SFMBT2: variants seen among roughly 807,000 people sequenced by gnomAD.
The protein encoded by SFMBT2 is scm-like with four MBT domains protein 2.
SFMBT2 carries 38 observed loss-of-function variants against 110.1 expected under a neutral mutation model. The observed-to-expected ratio is 0.35, with a 90% confidence interval of 0.27 to 0.45. The LOEUF (loss-of-function observed/expected upper bound fraction) is 0.45, where lower values mean the gene tolerates loss of function less well. Ranked by LOEUF, SFMBT2 falls within the 20% of genes least tolerant of loss-of-function variation. SFMBT2 has a pLI of 1.00. For synonymous variants in SFMBT2, 425 were observed against 425.4 expected (o/e 1.00, Z 0.01); for missense variants, 1,011 against 1,094.9 (o/e 0.92, Z 1.08).
intron 4 of SFMBT2, among the ~76,000 whole-genome samples, chr10:7,344,935 G>A (rs1844057401): frequency 6.9e-6 from 1 of 145,186 alleles, no homozygotes; most frequent in East Asian, 2.0e-4. Context: ...CTCCAGCCTG[G>A]GCGACAGAGC....
chr10:7,271,847 A>C (rs1018356650), intron 7 of SFMBT2, among the ~76,000 whole-genome samples: 1 of 152,128 alleles, frequency 6.6e-6, no homozygotes, highest in African/African-American at 2.4e-5. Flanking sequence ...TTTTAAAACC[A>C]TCAGATCTCG....
At chr10:7,404,382 G>A (rs1041065176) in intron 1 of SFMBT2, among the ~76,000 whole-genome samples, 1 of 152,198 alleles carries the variant, frequency 6.6e-6, no homozygotes, top group African/African-American at 2.4e-5. Flanking sequence ...TGCCAAGTTT[G>A]GCAGAAAGCA....
At chr10:7,377,905 A>G (rs77686680) in intron 2 of SFMBT2, among the ~76,000 whole-genome samples, 5,026 of 140,228 alleles carry the variant, frequency 0.036, 259 homozygotes, top group African/African-American at 0.12. Flanking sequence ...GGGAGGAAAG[A>G]GTAGGAAAGA....
chr10:7,311,133 TA>T (rs147762078), intron 4 of SFMBT2, among the ~76,000 whole-genome samples: 3 of 145,996 alleles, frequency 2.1e-5, no homozygotes, highest in Admixed American at 6.8e-5. Context: ...AAGTTTCCCC[TA>T]AAAAAAAAAC....
At chr10:7,343,265 A>G (rs1422972188) in intron 4 of SFMBT2, among the ~76,000 whole-genome samples, 1 of 151,924 alleles carries the variant, frequency 6.6e-6, no homozygotes, top group Non-Finnish European at 1.5e-5. Flanking sequence ...GTGTATGTGT[A>G]ACACATTTCC....
chr10:7,336,977 T>C (rs1295617240), intron 4 of SFMBT2, among the ~76,000 whole-genome samples: 2 of 152,154 alleles, frequency 1.3e-5, no homozygotes, highest in East Asian at 3.9e-4. Flanking sequence ...ATTTACAGTA[T>C]CAACTGTTGG....
At chr10:7,297,826 T>G (rs556728189) in intron 4 of SFMBT2, among the ~76,000 whole-genome samples, 8 of 152,232 alleles carry the variant, frequency 5.3e-5, no homozygotes, top group Non-Finnish European at 8.8e-5. Context: ...CACGCAAGAG[T>G]GTGACCTGGG....
At chr10:7,189,321 A>G in intron 15 of SFMBT2, 1 of 316,542 alleles carries the variant, frequency 3.2e-6, no homozygotes, top group South Asian at 1.3e-4. Context: ...ATCCAGTATC[A>G]TATTTCCCCC....
chr10:7,212,196 G>C (rs747210865), intron 11 of SFMBT2, among the ~76,000 whole-genome samples: 1 of 152,194 alleles, frequency 6.6e-6, no homozygotes, highest in Non-Finnish European at 1.5e-5. Flanking sequence ...GTCAGTCATA[G>C]AGACAAACCA....
rs751995788 is a variant in SFMBT2 at position 7,284,132 on chromosome 10, G to A, written c.544C>T (p.Pro182Ser). Residue 182 changes from proline (P) to serine (S), a missense_variant, in exon 6 of 21, where the codon CCT (proline) becomes TCT (serine). Pro to Ser is a moderately conservative substitution (Grantham distance 74). Around this residue, in one of 2 missense-constraint regions of SFMBT2, gnomAD observed 979 missense variants for 1,016.1 expected, o/e 0.96. Transcript: ENST00000397167. ...GAACCAACTGTAATGAGGTCTATAG[G>A]GCCTTTCCCTCGCAGAGGCTGTTTA... is the stretch of plus-strand genomic sequence containing the variant. ...LLEGPLRGKG[P>S]IDLITVGSLI... The A allele has an allele frequency of 5.6e-6, 9 of 1,613,716 alleles. No individual in the cohort carries two copies. Among genetic ancestry groups the A allele is most frequent in the Non-Finnish European group, 7.6e-6 (9 of 1,179,946 alleles).
chr10:7,356,995 C>T (rs1844536772), intron 4 of SFMBT2, among the ~76,000 whole-genome samples: 1 of 152,222 alleles, frequency 6.6e-6, no homozygotes, highest in African/African-American at 2.4e-5. Flanking sequence ...ACTTTCACAG[C>T]ATTAAAGATA....
intron 4 of SFMBT2, among the ~76,000 whole-genome samples, chr10:7,333,276 A>G (rs1048164310): frequency 6.6e-6 from 1 of 152,158 alleles, no homozygotes; most frequent in African/African-American, 2.4e-5. Context: ...AAAAATTCAG[A>G]TATCTTTTGA....
At position 7,172,732 on chromosome 10, in the gene SFMBT2, G is replaced by C. The variant is rs1837926870; in HGVS notation, c.1985-71C>G. ...CAGACATGAACAGAGAGAGGAGAGA[G>C]AAAGAAGGGAAACGATTCTTTCATC... On this transcript the variant is annotated intron_variant, in intron 17 of 20. Transcript: ENST00000397167. The surrounding 1 kb of genome is among the most constrained non-coding windows in gnomAD (Gnocchi z 4.6). The C allele has an allele frequency of 3.4e-6, 5 of 1,486,696 alleles. No homozygotes were observed. In the Admixed American group the frequency reaches 9.0e-5, roughly 27 times the overall value. 92.1% of individuals were successfully genotyped at this position (1,486,696 alleles called of 1,614,324 possible).
At chr10:7,290,636 GA>G (rs1842235011) in intron 4 of SFMBT2, among the ~76,000 whole-genome samples, 1 of 152,012 alleles carries the variant, frequency 6.6e-6, no homozygotes, top group Non-Finnish European at 1.5e-5. Context: ...AGAAGTTCAA[GA>G]CCATCCTGGG....
At chr10:7,369,056 G>GGTGAT (rs1374372131) in intron 3 of SFMBT2, among the ~76,000 whole-genome samples, 1 of 152,216 alleles carries the variant, frequency 6.6e-6, no homozygotes, top group African/African-American at 2.4e-5. Context: ...AATCGGGCAT[G>GGTGAT]GTGATGCATG....
chr10:7,394,051 G>A (rs1588507703), intron 1 of SFMBT2, among the ~76,000 whole-genome samples: 1 of 152,068 alleles, frequency 6.6e-6, no homozygotes, highest in South Asian at 2.1e-4. Context: ...CGCCCAGGCT[G>A]GAGTGCAGTG....
At chr10:7,231,370 C>T (rs1041676519) in intron 9 of SFMBT2, among the ~76,000 whole-genome samples, 1 of 152,168 alleles carries the variant, frequency 6.6e-6, no homozygotes, top group African/African-American at 2.4e-5. Flanking sequence ...TGAGAGAAAA[C>T]TATATAGAAA....
intron 16 of SFMBT2, among the ~76,000 whole-genome samples, chr10:7,183,461 AG>A (rs1404586884): frequency 6.6e-6 from 1 of 152,262 alleles, no homozygotes; most frequent in Non-Finnish European, 1.5e-5. Context: ...CAGGACACTG[AG>A]AACCCCAGAG....
At chr10:7,363,412 G>A (rs1438618873) in intron 4 of SFMBT2, among the ~76,000 whole-genome samples, 8 of 151,584 alleles carry the variant, frequency 5.3e-5, no homozygotes, top group Non-Finnish European at 1.0e-4. Flanking sequence ...GCAGTGGCGC[G>A]ATCTCGGCTC....
Sources: allele counts gnomAD v4.1 joint callset (sites outside exome capture counted in the v4.1 genomes callset), GRCh38; gene constraint gnomAD v4.1.1; regional missense constraint gnomAD v4.1.1; non-coding constraint Gnocchi (gnomAD v3.1); transcripts MANE v1.5; gene names NCBI Gene and HGNC (gene_info 2026-07-23, HGNC 2026-07-21).